The following TNPO3 variants were observed in gnomAD, a reference collection of about 807,000 sequenced individuals.
The protein encoded by TNPO3 is transportin-3.
Under a neutral mutation model 122.8 loss-of-function variants are expected in TNPO3, and 65 were observed. The ratio of observed to expected loss-of-function variants is 0.53; its 90% CI spans 0.43 to 0.65. The LOEUF (loss-of-function observed/expected upper bound fraction) is 0.65. Ranked by LOEUF, TNPO3 falls within the 30% of genes least tolerant of loss-of-function variation. The pLI is 0.00. For missense variants in TNPO3, 850 were observed against 1,136.7 expected (o/e 0.75, Z 3.63); for synonymous variants, 372 against 411.2 (o/e 0.90, Z 1.15).
intron 1 of TNPO3, among the ~76,000 whole-genome samples, chr7:129,033,203 A>G (rs978598364): frequency 2.0e-5 from 3 of 152,210 alleles, no homozygotes; most frequent in African/African-American, 4.8e-5. Context: ...TGAAACTATA[A>G]AACTCTTAGA....
chr7:129,003,803 T>C (rs1700783572), intron 5 of TNPO3, among the ~76,000 whole-genome samples: 1 of 152,204 alleles, frequency 6.6e-6, no homozygotes, highest in Non-Finnish European at 1.5e-5. Flanking sequence ...TGACACTGGA[T>C]CAGTAGAGGA....
rs920656595 is a variant in TNPO3, at chr7:129,009,334, G to A, written c.553-4175C>T. On this transcript the variant is annotated intron_variant, in intron 4 of 22. Transcript: ENST00000265388. ...ATACTAACAAGAAATAGGACAGAAT[G>A]TAATCATTAAAGGAGAGTGTGCAGG... Among the ~76,000 whole-genome samples, 15 of 152,190 alleles carry A rather than the reference G, an allele frequency of 9.9e-5. 1 individual carries two copies. The highest frequency in any genetic ancestry group is 5.2e-4 in the Admixed American group (8 of 15,280).
intron 21 of TNPO3, among the ~76,000 whole-genome samples, chr7:128,963,345 T>C (rs1213509853): frequency 6.6e-6 from 1 of 152,224 alleles, no homozygotes; most frequent in Non-Finnish European, 1.5e-5. Context: ...AATACGATCC[T>C]GCCCTTATAC....
At chr7:129,002,830 A>T (rs1016224345) in intron 5 of TNPO3, among the ~76,000 whole-genome samples, 1 of 152,086 alleles carries the variant, frequency 6.6e-6, no homozygotes, top group African/African-American at 2.4e-5. Context: ...AGGCCGGTAG[A>T]TCACGAGGTC....
rs200251612 is a variant in TNPO3 at position 129,051,723 on chromosome 7, AACCTCC to A, written c.120+2922_120+2927del. On this transcript the variant is annotated intron_variant, in intron 1 of 22. Coordinates refer to ENST00000265388, the MANE Select transcript of TNPO3 (RefSeq NM_012470.4). The stretch of plus-strand genomic sequence containing the variant: ...CAGTGACACAATATCAGCTCACTGC[AACCTCC>A]ACCTCCTGGGTTCAAGAGATTCTCC... 6.9e-3 allele frequency among the ~76,000 whole-genome samples: 1,058 copies of A among 152,250 alleles called. 10 individuals carry two copies. The highest frequency in any genetic ancestry group is 0.024 in the African/African-American group (1,014 of 41,534).
chr7:129,053,926 T>C (rs761089184), intron 1 of TNPO3, among the ~76,000 whole-genome samples: 78 of 152,122 alleles, frequency 5.1e-4, no homozygotes, highest in Non-Finnish European at 7.8e-4. Context: ...CAATTAAATA[T>C]CTCACCGGAT....
intron 8 of TNPO3, among the ~76,000 whole-genome samples, chr7:128,995,687 A>G (rs576759711): frequency 7.8e-6 from 1 of 128,638 alleles, no homozygotes; most frequent in East Asian, 2.3e-4. Context: ...GTGGTTGAAG[A>G]CAGGAGTCTT....
At chr7:129,025,405 G>C (rs947158915) in intron 1 of TNPO3, among the ~76,000 whole-genome samples, 1 of 117,566 alleles carries the variant, frequency 8.5e-6, no homozygotes, top group Non-Finnish European at 1.7e-5. Context: ...AAACCAGCTG[G>C]ACTCAACTAT....
intron 15 of TNPO3, among the ~76,000 whole-genome samples, chr7:128,979,577 C>T (rs923571532): frequency 1.3e-5 from 2 of 152,162 alleles, no homozygotes; most frequent in Non-Finnish European, 2.9e-5. Flanking sequence ...GTCTCAAAAG[C>T]AATTCTTAAA....
intron 15 of TNPO3, among the ~76,000 whole-genome samples, chr7:128,979,713 T>G (rs1184050606): frequency 6.6e-6 from 1 of 152,214 alleles, no homozygotes; most frequent in Non-Finnish European, 1.5e-5. Flanking sequence ...GGCCTCCTAG[T>G]AACTCTAGGA....
Position 128,954,832 on chromosome 7 carries a change from G to A in TNPO3, c.*585C>T, listed in dbSNP as rs1796754925. The A allele has an allele frequency of 6.5e-6, 1 of 154,318 alleles. No individual in the cohort carries two copies. Among genetic ancestry groups the A allele is most frequent in the Non-Finnish European group, 1.4e-5 (1 of 69,212 alleles). The allele number at this position is 154,318 out of a possible 1,614,324, so 9.6% of individuals were successfully genotyped here. A position where few individuals can be genotyped will look rare whatever the true frequency, so the allele number is the denominator to read the frequency against. ...AGGGGAGAGAGAAAGAGAAGGAAGG[G>A]TAGGAGAGGAAAGAGAGGACAAAAC... is the stretch of plus-strand genomic sequence containing the variant. On this transcript the variant is annotated 3_prime_UTR_variant, in exon 23 of 23. Coordinates refer to ENST00000265388, the MANE Select transcript of TNPO3 (RefSeq NM_012470.4).
In TNPO3 at chr7:129,016,871, T is replaced by C. The variant is rs530466374; in HGVS notation, c.395+112A>G. The C allele has an allele frequency of 4.7e-6, 4 of 855,646 alleles. No individual in the cohort carries two copies. In the African/African-American group the frequency reaches 6.7e-5, roughly 14 times the overall value. The allele number at this position is 855,646 out of a possible 1,614,324, so 53.0% of individuals were successfully genotyped here. A position where few individuals can be genotyped will look rare whatever the true frequency, so the allele number is the denominator to read the frequency against. ...CTAACAAAGGTTAATAACATAATTC[T>C]ATGTTAAGAGTTCAGGGAAATAGTC... On this transcript the variant is annotated intron_variant, in intron 3 of 22. Transcript: ENST00000265388.
intron 1 of TNPO3, among the ~76,000 whole-genome samples, chr7:129,022,305 G>A (rs1226345610): frequency 6.6e-6 from 1 of 151,926 alleles, no homozygotes; most frequent in East Asian, 1.9e-4. Context: ...AATCATTTGA[G>A]CCCAGGAGTT....
chr7:128,979,906 T>A (rs1260536254), intron 15 of TNPO3, 65 bp downstream of exon 15: 1 of 1,453,876 alleles, frequency 6.9e-7, no homozygotes, highest in African/African-American at 1.4e-5. Context: ...TCAGGTGAGT[T>A]ACCCAAAGCC....
chr7:129,052,868 T>C (rs771706691), intron 1 of TNPO3, among the ~76,000 whole-genome samples: 3 of 152,364 alleles, frequency 2.0e-5, no homozygotes, highest in East Asian at 1.9e-4. Flanking sequence ...AATTACACTT[T>C]AGAAAACTAT....
At chr7:128,999,075 A>T (rs555719539) in intron 7 of TNPO3, among the ~76,000 whole-genome samples, 1 of 150,492 alleles carries the variant, frequency 6.6e-6, no homozygotes, top group South Asian at 2.1e-4. Flanking sequence ...CTGGTCTTGA[A>T]CTCCTGACCT....
chr7:129,045,300 G>C (rs565104261), intron 1 of TNPO3, among the ~76,000 whole-genome samples: 2 of 152,220 alleles, frequency 1.3e-5, no homozygotes, highest in Admixed American at 1.3e-4. Context: ...GCACAACAAT[G>C]TCAATGTATG....
At chr7:129,017,823 C>T (rs759630846) in intron 2 of TNPO3, 134 bp downstream of exon 2, 2 of 873,118 alleles carry the variant, frequency 2.3e-6, no homozygotes, top group Admixed American at 5.6e-5. Context: ...GTTTTCTATC[C>T]ACTTACAAGA....
intron 14 of TNPO3, among the ~76,000 whole-genome samples, chr7:128,981,150 A>G (rs7789423): frequency 0.64 from 96,851 of 152,026 alleles, 31,168 homozygotes; most frequent in Middle Eastern, 0.71. Flanking sequence ...TTCTCAGAAT[A>G]GCATGTTAAT....
Sources: gnomAD v4.1 joint callset for allele counts (sites outside exome capture counted in the v4.1 genomes callset) on GRCh38, gnomAD v4.1.1 for gene constraint, MANE v1.5 for transcripts, NCBI Gene and HGNC (gene_info 2026-07-23, HGNC 2026-07-21) for gene names.